JAKMIP3: variants seen among roughly 807,000 people sequenced by gnomAD.
The protein encoded by JAKMIP3 is Janus kinase and microtubule interacting protein 3.
JAKMIP3 carries 58 observed loss-of-function variants against 118.5 expected under a neutral mutation model. That is an observed-to-expected ratio of 0.49 (90% CI 0.40 to 0.61). The LOEUF (loss-of-function observed/expected upper bound fraction) is 0.61. JAKMIP3 is among the 20% of genes least tolerant of loss of function. JAKMIP3 has a pLI of 0.00. For missense variants in JAKMIP3, 950 were observed against 1,109.0 expected, an observed-to-expected ratio of 0.86 and a Z score of 2.04; for synonymous variants, 486 against 451.2, an observed-to-expected ratio of 1.08 and a Z score of -0.98.
rs1373066272 is a variant in JAKMIP3 at position 132,163,475 on chromosome 10, G to C, written c.2424+63G>C. The C allele has an allele frequency of 6.9e-6, 10 of 1,458,676 alleles. No individual in the cohort carries two copies. The African/African-American group carries it at 1.3e-4, about 18-fold the overall frequency. The allele number at this position is 1,458,676 out of a possible 1,614,324, so 90.4% of individuals were successfully genotyped here. A position where few individuals can be genotyped will look rare whatever the true frequency, so the allele number is the denominator to read the frequency against. The stretch of plus-strand genomic sequence containing the variant: ...TGGCCAGGACCTGCACAGAGCCAGG[G>C]GGGGTCCTCCCACGGCCACACCTCC... On this transcript the variant is annotated intron_variant, in intron 20 of 23. Coordinates refer to ENST00000684848, the MANE Select transcript of JAKMIP3 (RefSeq NM_001323087.2).
chr10:132,087,130 C>G (rs2042497432), intron 1 of JAKMIP3, among the ~76,000 whole-genome samples: 1 of 152,146 alleles, frequency 6.6e-6, no homozygotes, highest in Non-Finnish European at 1.5e-5. Flanking sequence ...CTTAGTTTTA[C>G]TGGATACAAA....
rs577967611 is a variant in JAKMIP3 at position 132,080,740 on chromosome 10, G to A, written c.-138+14679G>A. 2.6e-5 allele frequency among the ~76,000 whole-genome samples: 4 copies of A among 151,500 alleles called. No homozygotes were observed. The East Asian group carries it at 7.8e-4, about 29-fold the overall frequency. On this transcript the variant is annotated intron_variant, in intron 1 of 23. Coordinates refer to ENST00000684848, the MANE Select transcript of JAKMIP3 (RefSeq NM_001323087.2). ...TCACCATGTTGACCGGGCTGGTCTC[G>A]AACTCCCAACCTCAAGCAGTCTGCC...
intron 1 of JAKMIP3, among the ~76,000 whole-genome samples, chr10:132,054,089 C>T (rs2038169774): frequency 6.7e-6 from 1 of 148,786 alleles, no homozygotes; most frequent in African/African-American, 2.5e-5. Context: ...GGCCTGTGAA[C>T]ATGGGGCTAC....
intron 2 of JAKMIP3, among the ~76,000 whole-genome samples, chr10:132,116,566 A>G: frequency 1.3e-5 from 1 of 75,742 alleles, no homozygotes. Flanking sequence ...GAGTGTGTGC[A>G]TCATGGACGC....
rs568859173 is a variant in JAKMIP3, at chr10:132,138,692, A to G, written c.1344+514A>G. Among the ~76,000 whole-genome samples, 7 of 152,362 alleles carry G rather than the reference A, an allele frequency of 4.6e-5. No individual in the cohort carries two copies. In the South Asian group the frequency reaches 1.4e-3, roughly 32 times the overall value. ...TGGTAACAACCATACCAGCAACACT[A>G]GCAATGAAGAGGTGCCGGCTCTGGT... On this transcript the variant is annotated intron_variant, in intron 9 of 23. Transcript: ENST00000684848.
upstream of JAKMIP3, among the ~76,000 whole-genome samples, chr10:132,065,448 T>C (rs2038645472): frequency 7.4e-6 from 1 of 134,986 alleles, no homozygotes; most frequent in African/African-American, 2.8e-5. This position sits in a 1 kb window ranked among gnomAD's most constrained non-coding sequence, Gnocchi z 5.6. Flanking sequence ...GTTCCTATTA[T>C]TGACCCGCTC....
In JAKMIP3 at chr10:132,184,254, C is replaced by T. The variant is rs765469431; in HGVS notation, c.*3001C>T. ...AAGGACTATGGCTGTTCCTTAAAGT[C>T]TCTGCCCTTGCAGAATCTGTAGCCT... is the stretch of plus-strand genomic sequence containing the variant. On this transcript the variant is annotated 3_prime_UTR_variant, in exon 24 of 24. Transcript: ENST00000684848. The T allele has an allele frequency of 1.3e-5, 2 of 152,240 alleles. No homozygotes were observed. Among genetic ancestry groups the T allele is most frequent in the Non-Finnish European group, 2.9e-5 (2 of 68,048 alleles). 9.4% of individuals were successfully genotyped at this position (152,240 alleles called of 1,614,324 possible). A position where few individuals can be genotyped will look rare whatever the true frequency, so the allele number is the denominator to read the frequency against.
Position 132,117,629 on chromosome 10 carries a change from G to A in JAKMIP3, c.633+55G>A, listed in dbSNP as rs1411751149. The A allele has an allele frequency of 1.3e-5, 14 of 1,069,978 alleles. No homozygotes were observed. The highest frequency in any genetic ancestry group is 2.6e-5 in the Admixed American group (1 of 38,346). 66.3% of individuals were successfully genotyped at this position (1,069,978 alleles called of 1,614,324 possible). Reference sequence around the variant, plus strand: ...CGAGGGTGCAGGGGCGGGCGTGGGCGAGGGTGCAGGGGCGGGCGTGGGCGA... The same window carrying A: ...CGAGGGTGCAGGGGCGGGCGTGGGCAAGGGTGCAGGGGCGGGCGTGGGCGA... On this transcript the variant is annotated intron_variant, in intron 3 of 23. Coordinates refer to ENST00000684848, the MANE Select transcript of JAKMIP3 (RefSeq NM_001323087.2). This position sits in a 1 kb window ranked among gnomAD's most constrained non-coding sequence, Gnocchi z 8.6.
At position 132,145,172 on chromosome 10, in the gene JAKMIP3, C is replaced by T. The variant is rs551816984; in HGVS notation, c.1668C>T (p.Ala556=). The change falls in exon 12 of 24, where the codon GCC becomes GCT. Residue 556 remains alanine, a synonymous_variant. Transcript: ENST00000684848. Reference sequence around the variant, plus strand: ...CGCGGATAGAGGACCTGGAGAAGGCCCTGGCGGAGCAGGGGCAGGTGAGCC... The same window carrying T: ...CGCGGATAGAGGACCTGGAGAAGGCTCTGGCGGAGCAGGGGCAGGTGAGCC... ...AQARIEDLEK[A]LAEQGQDMKW... 9.3e-6 allele frequency: 15 copies of T among 1,610,754 alleles called. No individual in the cohort carries two copies. In the African/African-American group the frequency reaches 1.6e-4, roughly 17 times the overall value.
In JAKMIP3 at chr10:132,152,940, T is replaced by A; in HGVS notation, c.2008-18T>A. ...GGCACTGCTTCTGACCGCACCTGTG[T>A]TCTGCTTTTGGGTGCAGAACCTGAC... On this transcript the variant is annotated intron_variant, in intron 16 of 23. Transcript: ENST00000684848. 6.3e-7 allele frequency: 1 copy of A among 1,594,628 alleles called. No individual in the cohort carries two copies. Among genetic ancestry groups the A allele is most frequent in the Admixed American group, 1.7e-5 (1 of 57,534 alleles).
chr10:132,042,649 G>A (rs890814020), intron 1 of JAKMIP3, among the ~76,000 whole-genome samples: 1 of 152,198 alleles, frequency 6.6e-6, no homozygotes, highest in Non-Finnish European at 1.5e-5. Flanking sequence ...TGGAGCCTGT[G>A]TCCTCTGATA....
Position 132,150,284 on chromosome 10 carries a change from C to T in JAKMIP3, c.2007+243C>T, listed in dbSNP as rs1289393699. Among the ~76,000 whole-genome samples the T allele has an allele frequency of 2.0e-5, 3 of 152,092 alleles. No homozygotes were observed. The East Asian group carries it at 5.9e-4, about 30-fold the overall frequency. On this transcript the variant is annotated intron_variant, in intron 16 of 23. Coordinates refer to ENST00000684848, the MANE Select transcript of JAKMIP3 (RefSeq NM_001323087.2). ...GCTGATGGCACTTCCCATCACATTG[C>T]CCAGCTTCTGGGATCTCTCAGCCCT... is the stretch of plus-strand genomic sequence containing the variant.
intron 13 of JAKMIP3, among the ~76,000 whole-genome samples, chr10:132,146,191 C>T (rs66933742): frequency 0.082 from 11,626 of 142,028 alleles, 1,053 homozygotes; most frequent in East Asian, 0.51. Context: ...GACTATCAGA[C>T]GTAAAACAGA....
Position 132,141,964 on chromosome 10 carries a change from C to CAT in JAKMIP3, c.1519_1520dup (p.Met507IlefsTer45). On this transcript the variant is annotated frameshift_variant, in exon 11 of 24. Coordinates refer to ENST00000684848, the MANE Select transcript of JAKMIP3 (RefSeq NM_001323087.2). LOFTEE classifies it high-confidence loss of function. Reference sequence around the variant, plus strand: ...CGGAGCTGAGGTTCCGGCAGCTGACCATGGAGTACCAGGCCCTGCAGCGTG... The same window carrying CAT: ...CGGAGCTGAGGTTCCGGCAGCTGACCATATGGAGTACCAGGCCCTGCAGCGTG... The CAT allele has an allele frequency of 6.3e-7, 1 of 1,599,122 alleles. No homozygotes were observed. The highest frequency in any genetic ancestry group is 8.5e-7 in the Non-Finnish European group (1 of 1,173,366).
Position 132,168,131 on chromosome 10 carries a change from C to G in JAKMIP3, c.*201C>G. On this transcript the variant is annotated 3_prime_UTR_variant, in exon 23 of 24. Coordinates refer to ENST00000684848, the MANE Select transcript of JAKMIP3 (RefSeq NM_001323087.2). ...GAGCTGCCGTCCACGTGGGATGTGC[C>G]AGAACTAGAACTGGCTCTGCCGACT... The G allele has an allele frequency of 7.8e-7, 1 of 1,287,582 alleles. No homozygotes were observed. Among genetic ancestry groups the G allele is most frequent in the Non-Finnish European group, 1.0e-6 (1 of 987,670 alleles). The allele number at this position is 1,287,582 out of a possible 1,614,324, so 79.8% of individuals were successfully genotyped here. A position where few individuals can be genotyped will look rare whatever the true frequency, so the allele number is the denominator to read the frequency against.
intron 16 of JAKMIP3, among the ~76,000 whole-genome samples, chr10:132,151,372 C>T (rs1044531219): frequency 1.3e-5 from 2 of 152,206 alleles, no homozygotes; most frequent in African/African-American, 2.4e-5. Flanking sequence ...GCTCTGCATC[C>T]GAGGACTCCC....
chr10:132,125,267 GT>G (rs34834255), intron 3 of JAKMIP3, among the ~76,000 whole-genome samples: 5,789 of 151,514 alleles, frequency 0.038, 370 homozygotes, highest in African/African-American at 0.14. Flanking sequence ...GATGGATTGA[GT>G]TGGATATCCC....
chr10:132,060,045 C>CT (rs1236234013), upstream of JAKMIP3, among the ~76,000 whole-genome samples: 4 of 152,182 alleles, frequency 2.6e-5, no homozygotes, highest in African/African-American at 9.7e-5. Context: ...GGAGATAAAA[C>CT]ATTGCTGAAG....
At chr10:132,127,743 A>C (rs2049905219) in intron 3 of JAKMIP3, among the ~76,000 whole-genome samples, 1 of 151,808 alleles carries the variant, frequency 6.6e-6, no homozygotes. Flanking sequence ...CCATGGGGTT[A>C]TCCAATCATT....
Sources: gnomAD v4.1 joint callset for allele counts (sites outside exome capture counted in the v4.1 genomes callset) on GRCh38, gnomAD v4.1.1 for gene constraint, Gnocchi (gnomAD v3.1) non-coding constraint, MANE v1.5 for transcripts, NCBI Gene and HGNC (gene_info 2026-07-23, HGNC 2026-07-21) for gene names.